ADAMTS3: variants seen among roughly 807,000 people sequenced by gnomAD.
ADAMTS3 encodes ADAM metallopeptidase with thrombospondin type 1 motif 3.
Under a neutral mutation model 129.0 loss-of-function variants are expected in ADAMTS3, and 73 were observed. That is an observed-to-expected ratio of 0.57 (90% CI 0.47 to 0.69). ADAMTS3 has a LOEUF of 0.69. Among genes scored for constraint, ADAMTS3 ranks in the 30% least tolerant of loss-of-function variants. The probability of loss-of-function intolerance (pLI) is 0.00; values close to 1 mark genes in which losing one functional copy is unlikely to be tolerated. For synonymous variants in ADAMTS3, 477 were observed against 510.8 expected (o/e 0.93, Z 0.89); for missense variants, 1,457 against 1,514.5 (o/e 0.96, Z 0.63).
chr4:72,526,103 C>T (rs962474092), intron 3 of ADAMTS3, among the ~76,000 whole-genome samples: 1 of 152,194 alleles, frequency 6.6e-6, no homozygotes, highest in Non-Finnish European at 1.5e-5. Context: ...GGTGCCCAGG[C>T]AGCTGGCCAA....
At chr4:72,531,515 C>A (rs1721040078) in intron 3 of ADAMTS3, among the ~76,000 whole-genome samples, 1 of 152,110 alleles carries the variant, frequency 6.6e-6, no homozygotes, top group Admixed American at 6.6e-5. Flanking sequence ...TGAGAGTAGA[C>A]ATGCAGGAGA....
intron 4 of ADAMTS3, among the ~76,000 whole-genome samples, chr4:72,345,816 G>C (rs1472228423): frequency 2.0e-5 from 3 of 152,062 alleles, no homozygotes; most frequent in Non-Finnish European, 4.4e-5. Context: ...TTAATGCTTT[G>C]GGTTTGTGAT....
At chr4:72,498,403 A>G (rs371266016) in intron 3 of ADAMTS3, among the ~76,000 whole-genome samples, 84 of 152,148 alleles carry the variant, frequency 5.5e-4, no homozygotes, top group Non-Finnish European at 5.6e-4. Flanking sequence ...GAGTAATAGA[A>G]GTCATAAAAA....
intron 4 of ADAMTS3, among the ~76,000 whole-genome samples, chr4:72,363,938 G>A (rs1720796205): frequency 6.6e-6 from 1 of 152,042 alleles, no homozygotes; most frequent in Admixed American, 6.5e-5. Context: ...TGATGATGAT[G>A]ATGAAGAACA....
At chr4:72,323,240 A>G (rs986643422) in intron 5 of ADAMTS3, 143 bp from the exon 6 acceptor site, 80 of 663,552 alleles carry the variant, frequency 1.2e-4, no homozygotes, top group Middle Eastern at 2.8e-4. Context: ...TCTGAAAGGT[A>G]GTCATTTACT....
intron 3 of ADAMTS3, among the ~76,000 whole-genome samples, chr4:72,443,949 A>C (rs1244908387): frequency 1.3e-5 from 2 of 151,740 alleles, no homozygotes; most frequent in African/African-American, 4.8e-5. Context: ...CTGCAGACAA[A>C]GTCATATATT....
At chr4:72,299,300 G>T (rs1217158952) in intron 17 of ADAMTS3, among the ~76,000 whole-genome samples, 1 of 151,960 alleles carries the variant, frequency 6.6e-6, no homozygotes, top group African/African-American at 2.4e-5. Flanking sequence ...TGGATGCACT[G>T]AAGGCCCTGA....
chr4:72,561,697 C>T (rs1914705), intron 2 of ADAMTS3, among the ~76,000 whole-genome samples: 146,889 of 152,304 alleles, frequency 0.96, 71,073 homozygotes, highest in East Asian at 1. Flanking sequence ...GACCACAGTA[C>T]CTGAGGAATC....
intron 5 of ADAMTS3, among the ~76,000 whole-genome samples, chr4:72,338,623 ATTATAT>A (rs1720048354): frequency 6.6e-6 from 1 of 151,726 alleles, no homozygotes; most frequent in Non-Finnish European, 1.5e-5. Context: ...TATCCAAGAA[ATTATAT>A]TAAATATCAA....
At chr4:72,368,123 C>T (rs1313640179) in intron 4 of ADAMTS3, among the ~76,000 whole-genome samples, 2 of 152,120 alleles carry the variant, frequency 1.3e-5, no homozygotes, top group African/African-American at 4.8e-5. Flanking sequence ...GTCATATTTA[C>T]ACATATTATT....
At position 72,319,438 on chromosome 4, in the gene ADAMTS3, C is replaced by A; in HGVS notation, c.1246G>T (p.Gly416Cys). 6.2e-7 allele frequency: 1 copy of A among 1,613,928 alleles called. No homozygotes were observed. The highest frequency in any genetic ancestry group is 8.5e-7 in the Non-Finnish European group (1 of 1,179,924). ...MEHDGQGNRC[G>C]DETAMGSVMA... ...ACACTTCCCATAGCAGTCTCATCAC[C>A]ACACCTGTTGCCTTGTCCATCATGC... The change falls in exon 9 of 22, where the codon GGT becomes TGT. Residue 416 changes from glycine (G) to cysteine (C), a missense_variant. Gly to Cys is a radical substitution (Grantham distance 159). Transcript: ENST00000286657.
intron 4 of ADAMTS3, among the ~76,000 whole-genome samples, chr4:72,384,428 A>G (rs1721382760): frequency 2.6e-5 from 4 of 152,186 alleles, no homozygotes; most frequent in South Asian, 2.1e-4. Context: ...GAAAAATAGC[A>G]TACTATTTAT....
chr4:72,355,745 C>T (rs1243840043), intron 4 of ADAMTS3, among the ~76,000 whole-genome samples: 2 of 151,988 alleles, frequency 1.3e-5, no homozygotes, highest in Non-Finnish European at 2.9e-5. Context: ...GCCAGCAGAA[C>T]TGTGAGAAAT....
chr4:72,411,474 C>T (rs1219090515), intron 4 of ADAMTS3, among the ~76,000 whole-genome samples: 1 of 151,934 alleles, frequency 6.6e-6, no homozygotes, highest in African/African-American at 2.4e-5. Flanking sequence ...GCAGTGTATA[C>T]CTTCAGATTC....
chr4:72,548,133 T>A (rs1721511252), intron 3 of ADAMTS3, among the ~76,000 whole-genome samples: 1 of 152,180 alleles, frequency 6.6e-6, no homozygotes, highest in African/African-American at 2.4e-5. Flanking sequence ...TTTGAAGGAA[T>A]CTATGCTTCT....
At chr4:72,309,567 A>G (rs1426650510) in intron 14 of ADAMTS3, 47 bp from the exon 15 acceptor site, 14 of 1,598,860 alleles carry the variant, frequency 8.8e-6, no homozygotes, top group Non-Finnish European at 1.2e-5. Flanking sequence ...TGTGCCCAGT[A>G]GTGGTCAACA....
chr4:72,526,570 ATGTGTG>A (rs56774889), intron 3 of ADAMTS3, among the ~76,000 whole-genome samples: 27 of 132,084 alleles, frequency 2.0e-4, no homozygotes, highest in East Asian at 1.1e-3. Context: ...AATGAAATTT[ATGTGTG>A]TGTGTGTGTG....
rs189989843 is a variant in ADAMTS3, at chr4:72,531,015, C to T, written c.504+17463G>A. The stretch of plus-strand genomic sequence containing the variant: ...AGCCACTGAAATCTTGTAAACAGAA[C>T]ATTTTATCAAACTTAGAAATGCCAA... On this transcript the variant is annotated intron_variant, in intron 3 of 21. Coordinates refer to ENST00000286657, the MANE Select transcript of ADAMTS3 (RefSeq NM_014243.3). 7.4e-4 allele frequency among the ~76,000 whole-genome samples: 111 copies of T among 150,808 alleles called. 1 individual carries two copies. The East Asian group carries it at 0.016, about 22-fold the overall frequency.
chr4:72,528,130 T>G (rs1380740843), intron 3 of ADAMTS3, among the ~76,000 whole-genome samples: 1 of 152,130 alleles, frequency 6.6e-6, no homozygotes, highest in Non-Finnish European at 1.5e-5. Context: ...GACTGAAAAG[T>G]CAGTACATAC....
Sources: allele counts gnomAD v4.1 joint callset (sites outside exome capture counted in the v4.1 genomes callset), GRCh38; gene constraint gnomAD v4.1.1; transcripts MANE v1.5; gene names NCBI Gene and HGNC (gene_info 2026-07-23, HGNC 2026-07-21).